Variants in FOXP2 observed in about 807,000 individuals in gnomAD.
FOXP2 encodes forkhead box P2.
FOXP2 carries 12 observed loss-of-function variants against 115.8 expected under a neutral mutation model. The observed-to-expected ratio is 0.10, with a 90% CI of 0.07 to 0.17. FOXP2 has a LOEUF of 0.17. Ranked by LOEUF, FOXP2 falls within the 10% of genes least tolerant of loss-of-function variation. The probability of loss-of-function intolerance (pLI) is 1.00; values close to 1 mark genes in which losing one functional copy is unlikely to be tolerated. For synonymous variants in FOXP2, 328 were observed against 297.7 expected, an observed-to-expected ratio of 1.10 and a Z score of -1.05; for missense variants, 629 against 843.5, an observed-to-expected ratio of 0.75 and a Z score of 3.15.
chr7:114,673,357 A>G (rs1807595349), intron 16 of FOXP2, among the ~76,000 whole-genome samples: 1 of 152,232 alleles, frequency 6.6e-6, no homozygotes, highest in African/African-American at 2.4e-5. Flanking sequence ...CTTATCAATG[A>G]TGAAAGTAAT....
At chr7:114,591,478 T>C (rs1044924962) in intron 3 of FOXP2, among the ~76,000 whole-genome samples, 1 of 152,074 alleles carries the variant, frequency 6.6e-6, no homozygotes. Context: ...TATATTGAAC[T>C]AACTTATAGT....
chr7:114,102,175 G>A (rs746907687), intron 1 of FOXP2, among the ~76,000 whole-genome samples: 1 of 151,962 alleles, frequency 6.6e-6, no homozygotes, highest in Non-Finnish European at 1.5e-5. Context: ...TTCTAAGGTT[G>A]AAGAATGCTT....
intron 3 of FOXP2, among the ~76,000 whole-genome samples, chr7:114,550,049 G>C (rs1340008238): frequency 6.6e-6 from 1 of 151,870 alleles, no homozygotes; most frequent in African/African-American, 2.4e-5. Context: ...ATGGTAGACT[G>C]GGTGCAAGGT....
chr7:114,595,332 T>C (rs1056382101), intron 3 of FOXP2, among the ~76,000 whole-genome samples: 3 of 152,052 alleles, frequency 2.0e-5, no homozygotes, highest in African/African-American at 7.2e-5. Flanking sequence ...GCATTTTTAT[T>C]ACCAGAAACA....
In FOXP2 at chr7:114,690,032, C is replaced by A; in HGVS notation, c.*106C>A. The A allele has an allele frequency of 1.4e-6, 2 of 1,408,366 alleles. No homozygotes were observed. The highest frequency in any genetic ancestry group is 2.0e-6 in the Non-Finnish European group (2 of 1,007,688). 87.2% of individuals were successfully genotyped at this position (1,408,366 alleles called of 1,614,324 possible). ...ATTTTTACTGTGACTATTTATTAAG[C>A]ATGGATAAAGGAGACAGCCCTAAAG... On this transcript the variant is annotated 3_prime_UTR_variant, in exon 17 of 17. Coordinates refer to ENST00000350908, the MANE Select transcript of FOXP2 (RefSeq NM_014491.4).
intron 16 of FOXP2, among the ~76,000 whole-genome samples, chr7:114,679,600 C>T (rs1043524792): frequency 4.6e-5 from 7 of 152,158 alleles, no homozygotes. Flanking sequence ...TATTCTAACA[C>T]ACACACACAA....
intron 3 of FOXP2, among the ~76,000 whole-genome samples, chr7:114,555,497 G>C (rs1345795599): frequency 6.6e-6 from 1 of 152,044 alleles, no homozygotes; most frequent in Non-Finnish European, 1.5e-5. Flanking sequence ...TTGTTTTGTG[G>C]TTAAGATAGA....
intron 10 of FOXP2, among the ~76,000 whole-genome samples, chr7:114,657,196 T>C (rs1369398443): frequency 1.3e-5 from 2 of 152,036 alleles, no homozygotes; most frequent in Admixed American, 1.3e-4. Context: ...GTGATATGAG[T>C]TTTTTGATAA....
At position 114,257,338 on chromosome 7, in the gene FOXP2, A is replaced by T. The variant is rs568365429; in HGVS notation, c.-101-30681A>T. 2.0e-5 allele frequency among the ~76,000 whole-genome samples: 3 copies of T among 152,174 alleles called. No homozygotes were observed. In the South Asian group the frequency reaches 6.2e-4, roughly 32 times the overall value. On this transcript the variant is annotated intron_variant, in intron 1 of 17. Coordinates refer to the FOXP2 transcript ENST00000634411. ...AAATGTAAAACCCCAAACTATAAAA[A>T]CCCTAGAAGAAAATCTAGGCAATAC...
chr7:114,629,579 C>A (rs1316569701), intron 4 of FOXP2: 6 of 1,539,914 alleles, frequency 3.9e-6, no homozygotes, highest in Middle Eastern at 1.7e-4. Flanking sequence ...ACTTTCTATA[C>A]CCTTTTGTTT....
intron 2 of FOXP2, among the ~76,000 whole-genome samples, chr7:114,348,532 T>G (rs75445198): frequency 6.6e-6 from 1 of 151,926 alleles, no homozygotes; most frequent in African/African-American, 2.4e-5. Context: ...ATTTTTCTAT[T>G]TTTTTTAAAC....
chr7:114,642,023 C>T (rs549552446), intron 6 of FOXP2, among the ~76,000 whole-genome samples: 117 of 152,126 alleles, frequency 7.7e-4, no homozygotes, highest in African/African-American at 2.7e-3. Flanking sequence ...CCAGGCTGGT[C>T]TCGAACTCCT....
At chr7:114,583,609 C>A (rs1219899490) in intron 3 of FOXP2, among the ~76,000 whole-genome samples, 1 of 152,118 alleles carries the variant, frequency 6.6e-6, no homozygotes, top group Non-Finnish European at 1.5e-5. Flanking sequence ...TATGTTCATT[C>A]TAAGTTGATG....
intron 2 of FOXP2, among the ~76,000 whole-genome samples, chr7:114,501,865 A>G (rs1289610546): frequency 6.6e-6 from 1 of 152,090 alleles, no homozygotes; most frequent in Non-Finnish European, 1.5e-5. Flanking sequence ...ATTTTATAAT[A>G]CACATTTATA....
intron 1 of FOXP2, among the ~76,000 whole-genome samples, chr7:114,155,795 A>G (rs1486671308): frequency 6.6e-6 from 1 of 152,148 alleles, no homozygotes; most frequent in Non-Finnish European, 1.5e-5. Flanking sequence ...GTTTTCGATC[A>G]GGAATGAAAG....
chr7:114,431,743 A>G (rs1310415173), intron 2 of FOXP2, among the ~76,000 whole-genome samples: 2 of 151,922 alleles, frequency 1.3e-5, no homozygotes, highest in Admixed American at 6.6e-5. Flanking sequence ...AAACAATTTT[A>G]TTTTTGAGAA....
upstream of FOXP2, among the ~76,000 whole-genome samples, chr7:114,159,397 C>T (rs920574023): frequency 1.1e-4 from 17 of 151,642 alleles, no homozygotes; most frequent in African/African-American, 2.4e-4. Flanking sequence ...ACTCTGAGAA[C>T]GTCTATATAA....
rs1808721293 is a variant in FOXP2, at chr7:114,692,579, A to G, written c.*2653A>G. The G allele has an allele frequency of 4.4e-6, 2 of 452,232 alleles. No individual in the cohort carries two copies. Among genetic ancestry groups the G allele is most frequent in the African/African-American group, 2.0e-5 (1 of 49,872 alleles). 28.0% of individuals were successfully genotyped at this position (452,232 alleles called of 1,614,324 possible). ...TTTTACTCTTATATCATTGCTTGCT[A>G]GTAATAGCAAATCTGCTTTTCTGCA... On this transcript the variant is annotated 3_prime_UTR_variant, in exon 17 of 17. Transcript: ENST00000350908.
At chr7:114,296,537 A>G (rs1796745935) in intron 2 of FOXP2, among the ~76,000 whole-genome samples, 1 of 152,196 alleles carries the variant, frequency 6.6e-6, no homozygotes, top group African/African-American at 2.4e-5. Flanking sequence ...TAGTCAAAGA[A>G]TAATTACAAT....
Sources: allele counts gnomAD v4.1 joint callset (sites outside exome capture counted in the v4.1 genomes callset), GRCh38; gene constraint gnomAD v4.1.1; transcripts MANE v1.5; gene names NCBI Gene and HGNC (gene_info 2026-07-23, HGNC 2026-07-21).